Variants in SHROOM2 observed in about 807,000 individuals in gnomAD.
SHROOM2 encodes the protein protein Shroom2.
A neutral mutation model predicts 75.9 loss-of-function variants in SHROOM2; 33 were observed. That is an observed-to-expected ratio of 0.43 (90% CI 0.33 to 0.58). The LOEUF is 0.58. Ranked by LOEUF, SHROOM2 falls within the 20% of genes least tolerant of loss-of-function variation. The probability of loss-of-function intolerance (pLI) is 0.04; values close to 1 mark genes in which losing one functional copy is unlikely to be tolerated. For synonymous variants in SHROOM2, 655 were observed against 663.6 expected, an observed-to-expected ratio of 0.99 and a Z score of 0.20; for missense variants, 1,434 against 1,461.2, an observed-to-expected ratio of 0.98 and a Z score of 0.30.
At chrX:9,896,856 C>G (rs1193137071) in intron 4 of SHROOM2, among the ~76,000 whole-genome samples, 158 bp downstream of exon 4, 1 of 112,883 alleles carries the variant, frequency 8.9e-6, no homozygotes, top group Non-Finnish European at 1.9e-5. Flanking sequence ...TATTTGGGGA[C>G]AAAGTTGACA....
intron 1 of SHROOM2, among the ~76,000 whole-genome samples, chrX:9,837,437 G>A (rs1407822539): frequency 2.7e-5 from 3 of 112,631 alleles, no homozygotes; most frequent in Non-Finnish European, 5.6e-5. Context: ...ACAGTTCAAG[G>A]GATAGAGGCT....
intron 6 of SHROOM2, among the ~76,000 whole-genome samples, chrX:9,935,787 G>A (rs2084697719): frequency 8.9e-6 from 1 of 111,869 alleles, no homozygotes; most frequent in Non-Finnish European, 1.9e-5. Flanking sequence ...ATACATTTGT[G>A]TAACATCGTA....
intron 6 of SHROOM2, among the ~76,000 whole-genome samples, chrX:9,933,929 C>T (rs1439778982): frequency 3.6e-5 from 4 of 111,958 alleles, no homozygotes; most frequent in African/African-American, 1.3e-4. Flanking sequence ...TTTTGGCCCC[C>T]AGGGGACATT....
chrX:9,918,876 C>G (rs1233677710), intron 5 of SHROOM2, among the ~76,000 whole-genome samples: 4 of 111,957 alleles, frequency 3.6e-5, no homozygotes, highest in African/African-American at 1.3e-4. Flanking sequence ...ACCTCTTCAT[C>G]CTATCCCATT....
At chrX:9,907,268 G>A (rs930914105) in intron 5 of SHROOM2, among the ~76,000 whole-genome samples, 1 of 111,123 alleles carries the variant, frequency 9.0e-6, no homozygotes, top group Non-Finnish European at 1.9e-5. Flanking sequence ...ACCAGGCACA[G>A]GTAGTTTTAC....
At chrX:9,944,144 G>C (rs969732806) in intron 8 of SHROOM2, among the ~76,000 whole-genome samples, 1 of 112,112 alleles carries the variant, frequency 8.9e-6, no homozygotes, top group African/African-American at 3.2e-5. Context: ...AACAGAGCAA[G>C]ACCCTGTCTC....
chrX:9,858,126 G>C (rs1026157932), intron 1 of SHROOM2, among the ~76,000 whole-genome samples: 1 of 111,895 alleles, frequency 8.9e-6, no homozygotes, highest in African/African-American at 3.3e-5. Context: ...CCTTGTGACG[G>C]GTGAGATCAT....
At chrX:9,875,615 G>A (rs1369343615) in intron 2 of SHROOM2, among the ~76,000 whole-genome samples, 2 of 112,079 alleles carry the variant, frequency 1.8e-5, no homozygotes, top group Non-Finnish European at 3.8e-5. Flanking sequence ...TGTATCACCA[G>A]GGCATAGCTA....
chrX:9,915,175 G>A, intron 5 of SHROOM2, among the ~76,000 whole-genome samples: 1 of 111,430 alleles, frequency 9.0e-6, no homozygotes. Flanking sequence ...CCTTGATCTT[G>A]AAGTTTAAAT....
intron 1 of SHROOM2, among the ~76,000 whole-genome samples, chrX:9,811,566 C>T (rs919337635): frequency 1.8e-4 from 20 of 111,973 alleles, no homozygotes; most frequent in Non-Finnish European, 5.6e-5. Flanking sequence ...TGCTTCTTCC[C>T]GTGAATTCAG....
At chrX:9,870,751 C>T (rs2084166687) in intron 1 of SHROOM2, among the ~76,000 whole-genome samples, 1 of 111,994 alleles carries the variant, frequency 8.9e-6, no homozygotes, top group African/African-American at 3.2e-5. Flanking sequence ...ATTCTTTATT[C>T]TGAGGTCAGT....
chrX:9,898,379 A>T, intron 5 of SHROOM2, 89 bp downstream of exon 5: 1 of 743,964 alleles, frequency 1.3e-6, no homozygotes, highest in Non-Finnish European at 1.9e-6. Flanking sequence ...ACATGGCTAG[A>T]TGTCTGGCTT....
chrX:9,794,138 G>A lies in SHROOM2; in HGVS notation c.165+7428G>A, dbSNP rs995882911. Among the ~76,000 whole-genome samples, 5 of 111,551 alleles carry A rather than the reference G, an allele frequency of 4.5e-5. No homozygotes were observed. The Admixed American group carries it at 4.8e-4, about 11-fold the overall frequency. ...TGCTGAGTCTGGGGGTACATACTGT[G>A]GAGTCCTGATAAGTTAGCATCAATG... On this transcript the variant is annotated intron_variant, in intron 1 of 9. Coordinates refer to ENST00000380913, the MANE Select transcript of SHROOM2 (RefSeq NM_001649.4).
At chrX:9,913,648 A>C (rs959089468) in intron 5 of SHROOM2, among the ~76,000 whole-genome samples, 5 of 112,247 alleles carry the variant, frequency 4.5e-5, no homozygotes, top group Admixed American at 3.8e-4. Flanking sequence ...CTGACTCACA[A>C]GAGTAGGTGT....
chrX:9,842,185 A>G (rs1249288421), intron 1 of SHROOM2, among the ~76,000 whole-genome samples: 2 of 112,376 alleles, frequency 1.8e-5, no homozygotes, highest in Non-Finnish European at 3.8e-5. Context: ...CCTGAGATTC[A>G]TTTCTTTTAA....
intron 1 of SHROOM2, among the ~76,000 whole-genome samples, chrX:9,838,980 AG>A (rs2083964681): frequency 9.0e-6 from 1 of 111,404 alleles, no homozygotes; most frequent in Admixed American, 9.6e-5. Context: ...GGTGATGGAA[AG>A]GGACTAAGAT....
chrX:9,928,972 GAC>G (rs1217955325), intron 5 of SHROOM2, among the ~76,000 whole-genome samples: 1 of 112,242 alleles, frequency 8.9e-6, no homozygotes, highest in East Asian at 2.8e-4. Context: ...ACAAAACATA[GAC>G]ACAGACAACA....
At chrX:9,839,161 G>A (rs1400010046) in intron 1 of SHROOM2, among the ~76,000 whole-genome samples, 5 of 111,601 alleles carry the variant, frequency 4.5e-5, no homozygotes, top group Non-Finnish European at 9.4e-5. Context: ...CAGGAGTATT[G>A]TTTCTGTCAC....
intron 1 of SHROOM2, among the ~76,000 whole-genome samples, chrX:9,872,765 T>G (rs2084178261): frequency 9.0e-6 from 1 of 111,577 alleles, no homozygotes; most frequent in Non-Finnish European, 1.9e-5. Context: ...AATTGGAACC[T>G]TCATACACCG....
Sources: allele counts gnomAD v4.1 joint callset (sites outside exome capture counted in the v4.1 genomes callset), GRCh38; gene constraint gnomAD v4.1.1; transcripts MANE v1.5; gene names NCBI Gene and HGNC (gene_info 2026-07-23, HGNC 2026-07-21).